The following PCSK5 variants were observed in gnomAD, a reference collection of about 807,000 sequenced individuals.
PCSK5 encodes the protein proprotein convertase subtilisin/kexin type 5.
Under a neutral mutation model 233.2 loss-of-function variants are expected in PCSK5, and 129 were observed. The observed-to-expected ratio is 0.55, with a 90% confidence interval of 0.48 to 0.64. PCSK5 has a LOEUF of 0.64. Ranked by LOEUF, PCSK5 falls within the 30% of genes least tolerant of loss-of-function variation. The probability of loss-of-function intolerance (pLI) is 0.00; values close to 1 mark genes in which losing one functional copy is unlikely to be tolerated. For missense variants in PCSK5, 2,076 were observed against 2,430.1 expected (o/e 0.85, Z 3.06); for synonymous variants, 825 against 879.2 (o/e 0.94, Z 1.09).
At chr9:76,051,382 T>C (rs768729396) in intron 5 of PCSK5, among the ~76,000 whole-genome samples, 1 of 152,086 alleles carries the variant, frequency 6.6e-6, no homozygotes, top group Non-Finnish European at 1.5e-5. Context: ...GCCCCAGAAA[T>C]GCTTAGGACA....
At chr9:76,066,127 GT>G (rs1315665282) in intron 5 of PCSK5, among the ~76,000 whole-genome samples, 1 of 152,060 alleles carries the variant, frequency 6.6e-6, no homozygotes, top group East Asian at 1.9e-4. Flanking sequence ...ATCTTTTGTG[GT>G]TTCATATGAA....
At chr9:76,197,555 C>T (rs149491778) in intron 20 of PCSK5, among the ~76,000 whole-genome samples, 26 of 152,190 alleles carry the variant, frequency 1.7e-4, no homozygotes, top group African/African-American at 5.8e-4. Flanking sequence ...AATGTCATGC[C>T]GCTAAAATAT....
rs547873327 is a variant in PCSK5, at chr9:76,298,918, C to T, written c.3523+2053C>T. ...GGTAGGAAAGGTAAGATGACACACACTTCAATCCATTCCTTCACCCATGCT... is the reference window on the plus strand; with the variant it reads ...GGTAGGAAAGGTAAGATGACACACATTTCAATCCATTCCTTCACCCATGCT... On this transcript the variant is annotated intron_variant, in intron 27 of 37. Transcript: ENST00000674117. 7.2e-5 allele frequency among the ~76,000 whole-genome samples: 11 copies of T among 152,324 alleles called. No homozygotes were observed. In the South Asian group the frequency reaches 2.3e-3, roughly 32 times the overall value.
At chr9:76,020,001 G>A (rs11788213) in intron 3 of PCSK5, among the ~76,000 whole-genome samples, 82,751 of 152,074 alleles carry the variant, frequency 0.54, 23,573 homozygotes, top group African/African-American at 0.65. Flanking sequence ...TACTGTGCAC[G>A]TATGTGGTTT....
chr9:76,351,527 A>AG lies in PCSK5; in HGVS notation c.5067+600dup, dbSNP rs752671577. Reference sequence around the variant, plus strand: ...AAGAAAGAAAGAAAGAAAGAAAGAAAGAAAGGAAGGAAAGAAAGAGAAAGA... The same window carrying AG: ...AAGAAAGAAAGAAAGAAAGAAAGAAAGGAAAGGAAGGAAAGAAAGAGAAAGA... On this transcript the variant is annotated intron_variant, in intron 36 of 37. Coordinates refer to ENST00000674117, the MANE Select transcript of PCSK5 (RefSeq NM_001372043.1). 3.8e-5 allele frequency among the ~76,000 whole-genome samples: 4 copies of AG among 104,328 alleles called. 1 individual carries two copies. The highest frequency in any genetic ancestry group is 1.2e-4 in the African/African-American group (4 of 32,144). 68.4% of individuals were successfully genotyped at this position (104,328 alleles called of 152,430 possible). A position where few individuals can be genotyped will look rare whatever the true frequency, so the allele number is the denominator to read the frequency against.
chr9:75,974,634 G>C (rs1290307807), intron 2 of PCSK5, among the ~76,000 whole-genome samples: 1 of 152,124 alleles, frequency 6.6e-6, no homozygotes, highest in Admixed American at 6.5e-5. Flanking sequence ...TTTCTGCCAA[G>C]TGTAAGGTTA....
intron 20 of PCSK5, among the ~76,000 whole-genome samples, chr9:76,220,409 C>T (rs1825688264): frequency 6.6e-6 from 1 of 151,672 alleles, no homozygotes; most frequent in African/African-American, 2.4e-5. Context: ...CGCCTGTAGT[C>T]CCAGCTACTC....
Position 76,296,873 on chromosome 9 carries a change from C to T in PCSK5, c.3523+8C>T, listed in dbSNP as rs1828456382. ...AGGGCAAATTCTGGAATGGTATGTG[C>T]CCCCCAAAAAAGAGGTCACAGGGGT... On this transcript the variant is annotated splice_region_variant and intron_variant, in intron 27 of 37. Coordinates refer to ENST00000674117, the MANE Select transcript of PCSK5 (RefSeq NM_001372043.1). 1.3e-6 allele frequency: 2 copies of T among 1,584,646 alleles called. No homozygotes were observed. Among genetic ancestry groups the T allele is most frequent in the Non-Finnish European group, 1.7e-6 (2 of 1,165,062 alleles).
At chr9:76,287,662 T>A (rs1369635616) in intron 24 of PCSK5, 1 of 152,262 alleles carries the variant, frequency 6.6e-6, no homozygotes, top group Non-Finnish European at 1.5e-5. Flanking sequence ...GGTTTCATCA[T>A]GTTAGCCAGG....
chr9:76,010,462 T>C (rs1406377789), intron 3 of PCSK5, among the ~76,000 whole-genome samples: 1 of 152,236 alleles, frequency 6.6e-6, no homozygotes, highest in Non-Finnish European at 1.5e-5. Context: ...CTGTGATCTA[T>C]CACTTTACTG....
intron 2 of PCSK5, among the ~76,000 whole-genome samples, chr9:75,938,805 G>T (rs1379488507): frequency 1.3e-5 from 2 of 152,284 alleles, no homozygotes; most frequent in East Asian, 1.9e-4. Flanking sequence ...TCTTGGGCAG[G>T]TCTCTTTCCT....
chr9:76,022,496 C>T (rs747386794), intron 3 of PCSK5, among the ~76,000 whole-genome samples: 3 of 151,994 alleles, frequency 2.0e-5, no homozygotes, highest in Non-Finnish European at 4.4e-5. Context: ...TGGGGTGGCT[C>T]GTGTTACTAT....
intron 14 of PCSK5, 27 bp from the exon 15 acceptor site, chr9:76,179,569 A>AT: frequency 6.5e-7 from 1 of 1,541,918 alleles, no homozygotes; most frequent in African/African-American, 1.4e-5. Flanking sequence ...CATTTTTCCA[A>AT]GTATTGTTCT....
At chr9:76,070,265 G>T (rs1298193887) in intron 6 of PCSK5, among the ~76,000 whole-genome samples, 1 of 152,132 alleles carries the variant, frequency 6.6e-6, no homozygotes, top group Non-Finnish European at 1.5e-5. Flanking sequence ...CTCCCAAAGT[G>T]CTGGGATTAC....
intron 5 of PCSK5, among the ~76,000 whole-genome samples, chr9:76,050,653 G>A (rs1007840723): frequency 6.6e-6 from 1 of 152,160 alleles, no homozygotes; most frequent in Non-Finnish European, 1.5e-5. Flanking sequence ...ATAACACCTT[G>A]TACGTAAACC....
At chr9:76,326,394 G>GA (rs66780025) in intron 32 of PCSK5, among the ~76,000 whole-genome samples, 31,110 of 150,110 alleles carry the variant, frequency 0.21, 3,298 homozygotes, top group South Asian at 0.23. Context: ...GCAAAAAAAA[G>GA]AAAAAAAAAT....
chr9:76,109,224 T>C (rs972600207), intron 9 of PCSK5, among the ~76,000 whole-genome samples: 1 of 152,078 alleles, frequency 6.6e-6, no homozygotes, highest in Non-Finnish European at 1.5e-5. Context: ...TTTTGAAAAA[T>C]ATATTGTTTT....
chr9:76,021,293 C>T (rs1463987488), intron 3 of PCSK5, among the ~76,000 whole-genome samples: 2 of 151,884 alleles, frequency 1.3e-5, no homozygotes, highest in African/African-American at 4.8e-5. Flanking sequence ...TTCACTGGGT[C>T]GTTGTTGGAT....
chr9:76,247,859 ACTGCAAC>A (rs1185980136), intron 24 of PCSK5, among the ~76,000 whole-genome samples: 3 of 151,380 alleles, frequency 2.0e-5, no homozygotes, highest in Admixed American at 2.0e-4. Context: ...ATCTTGGCTC[ACTGCAAC>A]CTCCGCCTCC....
Sources: allele counts gnomAD v4.1 joint callset (sites outside exome capture counted in the v4.1 genomes callset), GRCh38; gene constraint gnomAD v4.1.1; transcripts MANE v1.5; gene names NCBI Gene and HGNC (gene_info 2026-07-23, HGNC 2026-07-21).